NUP153: variants seen among roughly 807,000 people sequenced by gnomAD.
NUP153 encodes the protein nucleoporin 153, also known as nuclear pore complex protein Nup153.
Under a neutral mutation model 134.6 loss-of-function variants are expected in NUP153, and 27 were observed. That is an observed-to-expected ratio of 0.20 (90% CI 0.15 to 0.28). The LOEUF (loss-of-function observed/expected upper bound fraction) is 0.28, where lower values mean the gene tolerates loss of function less well. Among genes scored for constraint, NUP153 ranks in the 10% least tolerant of loss-of-function variants. The pLI, the probability that NUP153 is intolerant of heterozygous loss-of-function variation, is 1.00. For missense variants in NUP153, 1,821 were observed against 1,731.3 expected (o/e 1.05, Z -0.92); for synonymous variants, 640 against 623.5 (o/e 1.03, Z -0.40).
At position 17,706,173 on chromosome 6, in the gene NUP153, G is replaced by A. The variant is rs13219815; in HGVS notation, c.111+104C>T. ...GAGCCTCACTCGGGCCTTTCCTCAG[G>A]CCCTCCTGTCTGCTCCACGTGGGGC... On this transcript the variant is annotated intron_variant, in intron 1 of 21. Coordinates refer to ENST00000262077, the MANE Select transcript of NUP153 (RefSeq NM_005124.4). The surrounding 1 kb of genome is among the most constrained non-coding windows in gnomAD (Gnocchi z 5.9). 0.11 allele frequency: 101,338 copies of A among 916,862 alleles called. 5,941 individuals are homozygous for A. The highest frequency in any genetic ancestry group is 0.16 in the Admixed American group (7,832 of 49,810). 56.8% of individuals were successfully genotyped at this position (916,862 alleles called of 1,614,324 possible). A position where few individuals can be genotyped will look rare whatever the true frequency, so the allele number is the denominator to read the frequency against.
At chr6:17,677,040 C>G (rs12191493) in intron 2 of NUP153, among the ~76,000 whole-genome samples, 4 of 152,170 alleles carry the variant, frequency 2.6e-5, no homozygotes, top group Non-Finnish European at 5.9e-5. Context: ...GATCTCATTA[C>G]TAATGGCATT....
chr6:17,652,477 A>G (rs1279219397), intron 11 of NUP153, among the ~76,000 whole-genome samples: 8 of 152,162 alleles, frequency 5.3e-5, no homozygotes, highest in Non-Finnish European at 1.2e-4. Flanking sequence ...CAAAATTACA[A>G]TGCTTCTAGA....
At chr6:17,666,991 T>C (rs1451875656) in intron 8 of NUP153, among the ~76,000 whole-genome samples, 3 of 152,230 alleles carry the variant, frequency 2.0e-5, no homozygotes, top group Non-Finnish European at 2.9e-5. Flanking sequence ...CTGTGAAACA[T>C]GGGCTATGAT....
intron 1 of NUP153, among the ~76,000 whole-genome samples, chr6:17,697,636 C>T (rs1379040145): frequency 1.3e-5 from 2 of 152,006 alleles, no homozygotes; most frequent in East Asian, 1.9e-4. Flanking sequence ...TGCAGTGAGC[C>T]GAGATCACAT....
Position 17,646,269 on chromosome 6 carries a change from G to A in NUP153, c.1633-115C>T, listed in dbSNP as rs370337967. 143 of 492,214 alleles carry A rather than the reference G, an allele frequency of 2.9e-4. No homozygotes were observed. In the East Asian group the frequency reaches 4.1e-3, roughly 14 times the overall value. The allele number at this position is 492,214 out of a possible 1,614,324, so 30.5% of individuals were successfully genotyped here. ...GTCGCCCAGGCTGGAGTGCAGTGGCGCAATCCTGGCTCACTGCAACCTCCG... is the reference window on the plus strand; with the variant it reads ...GTCGCCCAGGCTGGAGTGCAGTGGCACAATCCTGGCTCACTGCAACCTCCG... On this transcript the variant is annotated intron_variant, in intron 13 of 21. Coordinates refer to ENST00000262077, the MANE Select transcript of NUP153 (RefSeq NM_005124.4).
At position 17,626,076 on chromosome 6, in the gene NUP153, T is replaced by C. The variant is rs777899798; in HGVS notation, c.3633A>G (p.Ile1211Met). The C allele has an allele frequency of 3.1e-6, 5 of 1,613,886 alleles. No homozygotes were observed. In the East Asian group the frequency reaches 6.7e-5, roughly 22 times the overall value. Residue 1211 changes from isoleucine (I) to methionine (M), a missense_variant, in exon 19 of 22, where the codon ATA becomes ATG. Ile to Met is a conservative substitution (Grantham distance 10). Transcript: ENST00000262077. ...STPATSAGGG[I>M]FGSSTSSSNP... The stretch of plus-strand genomic sequence containing the variant: ...TGGAGGAAGAGGTGGAACTACCAAA[T>C]ATGCCACCACCAGCAGAAGTGGCTG...
Position 17,665,245 on chromosome 6 carries a change from CTTG to C in NUP153, c.1206_1208del (p.Asn402del). ...GAAATATACATATACTCACACTGCA[CTTG>C]TTATCTATTCTTTGATTAGTCTTCC... On this transcript the variant is annotated inframe_deletion, in exon 9 of 22. Coordinates refer to ENST00000262077, the MANE Select transcript of NUP153 (RefSeq NM_005124.4). 1.2e-6 allele frequency: 2 copies of C among 1,602,726 alleles called. No homozygotes were observed. Among genetic ancestry groups the C allele is most frequent in the Non-Finnish European group, 1.7e-6 (2 of 1,169,900 alleles).
chr6:17,663,797 G>C (rs1452604789), intron 9 of NUP153, among the ~76,000 whole-genome samples: 3 of 152,080 alleles, frequency 2.0e-5, no homozygotes, highest in Non-Finnish European at 4.4e-5. Flanking sequence ...ATAAATACAA[G>C]TTAAATGACA....
intron 5 of NUP153, 27 bp from the exon 6 acceptor site, chr6:17,669,573 T>C (rs765386461): frequency 6.9e-7 from 1 of 1,442,474 alleles, no homozygotes; most frequent in East Asian, 2.3e-5. Context: ...ATATTATTTG[T>C]TGCAACATAA....
At chr6:17,655,155 G>T (rs1209889748) in intron 11 of NUP153, among the ~76,000 whole-genome samples, 1 of 152,170 alleles carries the variant, frequency 6.6e-6, no homozygotes, top group African/African-American at 2.4e-5. Context: ...CTCATGGATT[G>T]ATTGGTAGGA....
At chr6:17,672,689 C>CA (rs1418067569) in intron 5 of NUP153, among the ~76,000 whole-genome samples, 3 of 151,878 alleles carry the variant, frequency 2.0e-5, no homozygotes, top group African/African-American at 2.4e-5. Flanking sequence ...AAACAAAAAA[C>CA]AAAAAACAAA....
At chr6:17,626,862 G>A (rs1404785997) in intron 18 of NUP153, among the ~76,000 whole-genome samples, 2 of 152,156 alleles carry the variant, frequency 1.3e-5, no homozygotes, top group African/African-American at 4.8e-5. Flanking sequence ...ATTATGGGAG[G>A]AGGAAGGGAA....
At chr6:17,644,499 G>A (rs757993492) in intron 14 of NUP153, among the ~76,000 whole-genome samples, 9 of 152,166 alleles carry the variant, frequency 5.9e-5, no homozygotes, top group Non-Finnish European at 8.8e-5. Context: ...ATTCTAAAGC[G>A]TGTCATGCTT....
chr6:17,660,212 A>G (rs1767098593), intron 11 of NUP153, among the ~76,000 whole-genome samples: 1 of 152,180 alleles, frequency 6.6e-6, no homozygotes, highest in African/African-American at 2.4e-5. Flanking sequence ...TTCAACCAAA[A>G]CATGATTTTG....
intron 14 of NUP153, among the ~76,000 whole-genome samples, chr6:17,642,058 C>T (rs1462305721): frequency 7.9e-5 from 12 of 152,056 alleles, no homozygotes; most frequent in Non-Finnish European, 1.8e-4. Flanking sequence ...AAACCTTTCC[C>T]TACCTCACAC....
chr6:17,646,262 C>G (rs186275086), intron 13 of NUP153, 108 bp from the exon 14 acceptor site: 1 of 524,684 alleles, frequency 1.9e-6, no homozygotes, highest in Non-Finnish European at 3.4e-6. Context: ...GGCTGGAGTG[C>G]AGTGGCGCAA....
intron 11 of NUP153, among the ~76,000 whole-genome samples, chr6:17,661,098 T>C (rs1767148146): frequency 6.6e-6 from 1 of 152,076 alleles, no homozygotes; most frequent in Non-Finnish European, 1.5e-5. Flanking sequence ...GTGGATCACT[T>C]GACATCAGGA....
chr6:17,664,566 G>A (rs1057283144), intron 9 of NUP153, among the ~76,000 whole-genome samples: 1 of 152,102 alleles, frequency 6.6e-6, no homozygotes, highest in East Asian at 1.9e-4. Context: ...TCTTAGATGG[G>A]ATAATATAGG....
At chr6:17,620,372 T>A (rs1189919563) in intron 20 of NUP153, among the ~76,000 whole-genome samples, 1 of 152,160 alleles carries the variant, frequency 6.6e-6, no homozygotes, top group African/African-American at 2.4e-5. Context: ...TCGACAATGA[T>A]GACAAGAACA....
Sources: gnomAD v4.1 joint callset for allele counts (sites outside exome capture counted in the v4.1 genomes callset) on GRCh38, gnomAD v4.1.1 for gene constraint, Gnocchi (gnomAD v3.1) non-coding constraint, MANE v1.5 for transcripts, NCBI Gene and HGNC (gene_info 2026-07-23, HGNC 2026-07-21) for gene names.